Variants in CBLN1 observed in about 807,000 individuals in gnomAD.
CBLN1 encodes cerebellin-1.
CBLN1 carries 5 observed loss-of-function variants against 15.9 expected under a neutral mutation model. The ratio of observed to expected loss-of-function variants is 0.31; its 90% CI spans 0.16 to 0.66. The LOEUF (loss-of-function observed/expected upper bound fraction) is 0.66, where lower values mean the gene tolerates loss of function less well. Ranked by LOEUF, CBLN1 falls within the 30% of genes least tolerant of loss-of-function variation. CBLN1 has a pLI of 0.75. For synonymous variants in CBLN1, 90 were observed against 107.6 expected (o/e 0.84, Z 1.01); for missense variants, 164 against 253.7 (o/e 0.65, Z 2.40).
chr16:49,280,868 C>T, intron 2 of CBLN1, 55 bp downstream of exon 2: 6 of 1,611,434 alleles, frequency 3.7e-6, no homozygotes, highest in Non-Finnish European at 5.1e-6. Flanking sequence ...CCGAGCACCC[C>T]TGAGGCCAGT....
Position 49,281,747 on chromosome 16 carries a change from T to TGCC in CBLN1, c.-285_-283dup, listed in dbSNP as rs536628518. ...AGCCGCTGCTGCTCGGTCCCGCTGC[T>TGCC]GCCGCCGCCTCCTGCCCGCACCCGC... On this transcript the variant is annotated 5_prime_UTR_variant, in exon 1 of 3. Coordinates refer to ENST00000219197, the MANE Select transcript of CBLN1 (RefSeq NM_004352.4). 832 of 298,620 alleles carry TGCC rather than the reference T, an allele frequency of 2.8e-3. 5 individuals carry two copies. The highest frequency in any genetic ancestry group is 0.017 in the African/African-American group (762 of 44,894). The allele number at this position is 298,620 out of a possible 1,614,324, so 18.5% of individuals were successfully genotyped here.
At position 49,281,575 on chromosome 16, in the gene CBLN1, C is replaced by T. The variant is rs567229519; in HGVS notation, c.-110G>A. 3.9e-4 allele frequency: 254 copies of T among 648,830 alleles called. 1 individual carries two copies. In the African/African-American group the frequency reaches 4.6e-3, roughly 12 times the overall value. 40.2% of individuals were successfully genotyped at this position (648,830 alleles called of 1,614,324 possible). A position where few individuals can be genotyped will look rare whatever the true frequency, so the allele number is the denominator to read the frequency against. ...CCCTCCTCAGCTCCGTGCGCAGCTC[C>T]GCCGCCGCCGCTCTGGACACTACAC... On this transcript the variant is annotated 5_prime_UTR_variant, in exon 1 of 3. Transcript: ENST00000219197.
At chr16:49,279,667 A>T in intron 2 of CBLN1, 66 bp from the exon 3 acceptor site, 1 of 1,460,002 alleles carries the variant, frequency 6.8e-7, no homozygotes, top group Non-Finnish European at 9.4e-7. Context: ...CGGTGGAGCG[A>T]ACCTCCTCCT....
chr16:49,279,727 G>C (rs552430485), intron 2 of CBLN1, 126 bp from the exon 3 acceptor site: 3 of 655,108 alleles, frequency 4.6e-6, no homozygotes, highest in Non-Finnish European at 7.5e-6. Flanking sequence ...GGTGGGGGGT[G>C]GGGGGGGCGA....
In CBLN1 at chr16:49,281,393, T is replaced by C; in HGVS notation, c.73A>G (p.Thr25Ala). The C allele has an allele frequency of 4.4e-6, 7 of 1,605,088 alleles. No individual in the cohort carries two copies. The highest frequency in any genetic ancestry group is 5.9e-6 in the Non-Finnish European group (7 of 1,179,434). The change falls in exon 1 of 3, where the codon ACG becomes GCG. Residue 25 changes from threonine to alanine, a missense_variant. Physicochemically the swap from Thr to Ala is moderately conservative, Grantham distance 58. This residue lies in a region of CBLN1 where 127 missense variants were observed against 179.7 expected (regional missense o/e 0.71). Coordinates refer to ENST00000219197, the MANE Select transcript of CBLN1 (RefSeq NM_004352.4). ...LAGPARGQNE[T>A]EPIVLEGKCL... ...TTGCCCTCCAGCACGATGGGCTCCG[T>C]CTCATTCTGCCCGCGGGCCGGGCCC...
Position 49,280,911 on chromosome 16 carries a change from G to A in CBLN1, c.384+12C>T. The A allele has an allele frequency of 6.2e-7, 1 of 1,614,226 alleles. No individual in the cohort carries two copies. Among genetic ancestry groups the A allele is most frequent in the East Asian group, 2.2e-5 (1 of 44,880 alleles). On this transcript the variant is annotated intron_variant, in intron 2 of 2. Coordinates refer to ENST00000219197, the MANE Select transcript of CBLN1 (RefSeq NM_004352.4). ...CTACGGGGCCAGGGCCCGGCACGAG[G>A]CGTCGGCTGACCTGTATGGTTTGTC...
intron 2 of CBLN1, among the ~76,000 whole-genome samples, chr16:49,280,407 C>T (rs1242981683): frequency 1.3e-5 from 2 of 152,212 alleles, no homozygotes; most frequent in Non-Finnish European, 2.9e-5. Flanking sequence ...CTACCCCTCA[C>T]CCTCCGGGGC....
At chr16:49,280,865 C>A in intron 2 of CBLN1, 58 bp downstream of exon 2, 1 of 1,608,666 alleles carries the variant, frequency 6.2e-7, no homozygotes. Context: ...AGCCCGAGCA[C>A]CCCTGAGGCC....
At chr16:49,280,265 T>G (rs967100389) in intron 2 of CBLN1, among the ~76,000 whole-genome samples, 2 of 152,126 alleles carry the variant, frequency 1.3e-5, no homozygotes, top group Non-Finnish European at 2.9e-5. Context: ...TCCCCAGCTG[T>G]GCGTCCCACC....
Position 49,281,591 on chromosome 16 carries a change from G to A in CBLN1, c.-126C>T. On this transcript the variant is annotated 5_prime_UTR_variant, in exon 1 of 3. Coordinates refer to ENST00000219197, the MANE Select transcript of CBLN1 (RefSeq NM_004352.4). ...GCGCAGCTCCGCCGCCGCCGCTCTG[G>A]ACACTACACCTCTTCCTCGCACTCC... 1 of 531,000 alleles carries A rather than the reference G, an allele frequency of 1.9e-6. No homozygotes were observed. Among genetic ancestry groups the A allele is most frequent in the Non-Finnish European group, 2.9e-6 (1 of 340,204 alleles). The allele number at this position is 531,000 out of a possible 1,614,324, so 32.9% of individuals were successfully genotyped here.
Position 49,281,640 on chromosome 16 carries a change from T to G in CBLN1, c.-175A>C. The G allele has an allele frequency of 2.4e-6, 1 of 410,060 alleles. No homozygotes were observed. Among genetic ancestry groups the G allele is most frequent in the Non-Finnish European group, 4.2e-6 (1 of 240,806 alleles). The allele number at this position is 410,060 out of a possible 1,614,324, so 25.4% of individuals were successfully genotyped here. A position where few individuals can be genotyped will look rare whatever the true frequency, so the allele number is the denominator to read the frequency against. On this transcript the variant is annotated 5_prime_UTR_variant, in exon 1 of 3. Coordinates refer to ENST00000219197, the MANE Select transcript of CBLN1 (RefSeq NM_004352.4). ...CCGGGACTAGCGTCCCCTCCGCGAC[T>G]AGCGTCCCCTCCGCGCTGTGTTCCC... is the stretch of plus-strand genomic sequence containing the variant.
At chr16:49,280,415 G>C (rs1360458213) in intron 2 of CBLN1, among the ~76,000 whole-genome samples, 3 of 152,200 alleles carry the variant, frequency 2.0e-5, no homozygotes, top group East Asian at 1.9e-4. Flanking sequence ...CACCCTCCGG[G>C]GCTAAATGCT....
At chr16:49,280,256 C>G (rs184010325) in intron 2 of CBLN1, among the ~76,000 whole-genome samples, 1 of 152,196 alleles carries the variant, frequency 6.6e-6, no homozygotes, top group African/African-American at 2.4e-5. Flanking sequence ...CGCGCCCTCT[C>G]CCCAGCTGTG....
At chr16:49,280,039 A>G (rs1192252692) in intron 2 of CBLN1, among the ~76,000 whole-genome samples, 1 of 152,124 alleles carries the variant, frequency 6.6e-6, no homozygotes, top group African/African-American at 2.4e-5. Context: ...GAAAAACAAA[A>G]ACGAACAAAC....
At position 49,281,830 on chromosome 16, in the gene CBLN1, C is replaced by A. The variant is rs1031074980; in HGVS notation, c.-365G>T. Reference sequence around the variant, plus strand: ...GATGCAGCCGGCGCTGCAGCCGGAGCGGGCGGAGAGCGCGCGCCGGGCACA... The same window carrying A: ...GATGCAGCCGGCGCTGCAGCCGGAGAGGGCGGAGAGCGCGCGCCGGGCACA... On this transcript the variant is annotated 5_prime_UTR_variant, in exon 1 of 3. Transcript: ENST00000219197. The A allele has an allele frequency of 1.2e-4, 23 of 192,750 alleles. No individual in the cohort carries two copies. Among genetic ancestry groups the A allele is most frequent in the African/African-American group, 4.7e-4 (20 of 42,754 alleles). 11.9% of individuals were successfully genotyped at this position (192,750 alleles called of 1,614,324 possible).
chr16:49,281,105 C>T, intron 1 of CBLN1, 63 bp from the exon 2 acceptor site: 1 of 1,614,166 alleles, frequency 6.2e-7, no homozygotes, highest in South Asian at 1.1e-5. Context: ...CGTCCCCGCG[C>T]CTCCGCAGAG....
chr16:49,278,428 A>G lies in CBLN1; in HGVS notation c.*976T>C, dbSNP rs905260072. On this transcript the variant is annotated 3_prime_UTR_variant, in exon 3 of 3. Transcript: ENST00000219197. Reference sequence around the variant, plus strand: ...GCCTTTCTATGGTTGCGTTCCCCCAAGTCTCCTGCCTTTCGGAACCTCGCC... The same window carrying G: ...GCCTTTCTATGGTTGCGTTCCCCCAGGTCTCCTGCCTTTCGGAACCTCGCC... 2 of 152,258 alleles carry G rather than the reference A, an allele frequency of 1.3e-5. No homozygotes were observed. Among genetic ancestry groups the G allele is most frequent in the South Asian group, 4.1e-4 (2 of 4,836 alleles). 9.4% of individuals were successfully genotyped at this position (152,258 alleles called of 1,614,324 possible).
At chr16:49,280,439 C>T (rs1437708198) in intron 2 of CBLN1, among the ~76,000 whole-genome samples, 2 of 152,228 alleles carry the variant, frequency 1.3e-5, no homozygotes, top group African/African-American at 4.8e-5. Context: ...AGCTCAAAAA[C>T]CCACAGTCCG....
Position 49,280,925 on chromosome 16 carries a change from G to C in CBLN1, c.382C>G (p.Gln128Glu), listed in dbSNP as rs772201897. The change falls in exon 2 of 3, where the codon CAG (glutamine) becomes GAG (glutamate). Residue 128 changes from glutamine to glutamate, a missense_variant and splice_region_variant. Gln to Glu is a conservative substitution (Grantham distance 29, BLOSUM62 2). This residue lies in a region of CBLN1 where 127 missense variants were observed against 179.7 expected (regional missense o/e 0.71). Coordinates refer to ENST00000219197, the MANE Select transcript of CBLN1 (RefSeq NM_004352.4). ...VVKVYNRQTI[Q>E]VSLMLNGWPV... The stretch of plus-strand genomic sequence containing the variant: ...CCCGGCACGAGGCGTCGGCTGACCT[G>C]TATGGTTTGTCTGTTGTAGACTTTT... 5 of 1,614,252 alleles carry C rather than the reference G, an allele frequency of 3.1e-6. No homozygotes were observed. Among genetic ancestry groups the C allele is most frequent in the Non-Finnish European group, 4.2e-6 (5 of 1,180,042 alleles).
Sources: allele counts gnomAD v4.1 joint callset (sites outside exome capture counted in the v4.1 genomes callset), GRCh38; gene constraint gnomAD v4.1.1; regional missense constraint gnomAD v4.1.1; transcripts MANE v1.5; gene names NCBI Gene and HGNC (gene_info 2026-07-23, HGNC 2026-07-21).